Variants in GREB1L observed in about 807,000 individuals in gnomAD.
GREB1L encodes GREB1 like retinoic acid receptor coactivator.
In GREB1L, 17 loss-of-function variants were observed where a neutral mutation model predicts 200.8. The observed-to-expected ratio is 0.08, with a 90% CI of 0.06 to 0.13. GREB1L has a LOEUF of 0.13. Ranked by LOEUF, GREB1L falls within the 10% of genes least tolerant of loss-of-function variation. GREB1L has a pLI of 1.00. For missense variants in GREB1L, 1,657 were observed against 2,367.7 expected (o/e 0.70, Z 6.23); for synonymous variants, 789 against 893.0 (o/e 0.88, Z 2.08).
chr18:21,300,080 T>C (rs2038594614), intron 1 of GREB1L, among the ~76,000 whole-genome samples: 1 of 152,154 alleles, frequency 6.6e-6, no homozygotes, highest in Non-Finnish European at 1.5e-5. Context: ...CTTTATGGTA[T>C]AATAACATTT....
rs138082658 is a variant in GREB1L, at chr18:21,496,770, G to A, written c.3391+72G>A. 453 of 1,501,890 alleles carry A rather than the reference G, an allele frequency of 3.0e-4. 1 individual carries two copies. In the East Asian group the frequency reaches 0.011, roughly 36 times the overall value. 93.0% of individuals were successfully genotyped at this position (1,501,890 alleles called of 1,614,324 possible). Reference sequence around the variant, plus strand: ...GAGGTGTGTAGGAATTTGGAAGGCAGAGGCATTTACTGACACCCCAACGGC... The same window carrying A: ...GAGGTGTGTAGGAATTTGGAAGGCAAAGGCATTTACTGACACCCCAACGGC... On this transcript the variant is annotated intron_variant, in intron 21 of 32. Coordinates refer to ENST00000424526, the MANE Select transcript of GREB1L (RefSeq NM_001142966.3).
intron 7 of GREB1L, among the ~76,000 whole-genome samples, chr18:21,427,710 C>T (rs538185564): frequency 6.6e-6 from 1 of 152,224 alleles, no homozygotes; most frequent in South Asian, 2.1e-4. Context: ...GTCCTGAAGC[C>T]TTGGTGAACT....
intron 1 of GREB1L, among the ~76,000 whole-genome samples, chr18:21,350,804 T>G (rs1379372313): frequency 6.6e-6 from 1 of 152,134 alleles, no homozygotes; most frequent in Non-Finnish European, 1.5e-5. Context: ...GGGAAAAGAT[T>G]GTAGTGGGAA....
intron 1 of GREB1L, among the ~76,000 whole-genome samples, chr18:21,330,490 C>T (rs868815797): frequency 2.0e-5 from 3 of 152,308 alleles, no homozygotes; most frequent in South Asian, 2.1e-4. Flanking sequence ...GTTTCCATTT[C>T]GTGTTGATTG....
chr18:21,401,251 C>A lies in GREB1L; in HGVS notation c.634C>A (p.Gln212Lys). 1 of 1,551,510 alleles carries A rather than the reference C, an allele frequency of 6.4e-7. No individual in the cohort carries two copies. The highest frequency in any genetic ancestry group is 8.7e-7 in the Non-Finnish European group (1 of 1,146,790). The change falls in exon 6 of 33, where the codon CAG becomes AAG. Residue 212 changes from glutamine (Q) to lysine (K), a missense_variant. By Grantham distance (53) the Gln-to-Lys change is moderately conservative. This residue lies in a region of GREB1L where 70 missense variants were observed against 151.3 expected (regional missense o/e 0.46). Coordinates refer to ENST00000424526, the MANE Select transcript of GREB1L (RefSeq NM_001142966.3). ...GAAGCTCACCACTCAGCCAAAGAAG[C>A]AGAAGCACTTAAAGTACTACCTAGT... is the stretch of plus-strand genomic sequence containing the variant. ...NLKLTTQPKK[Q>K]KHLKYYLVRS... is the part of the protein sequence containing the mutation.
intron 31 of GREB1L, among the ~76,000 whole-genome samples, chr18:21,520,175 A>G (rs1456017036): frequency 1.3e-5 from 2 of 152,182 alleles, no homozygotes; most frequent in African/African-American, 4.8e-5. Context: ...TCCTGACCTC[A>G]GATGATCCAT....
intron 7 of GREB1L, among the ~76,000 whole-genome samples, chr18:21,415,187 G>C (rs1045196105): frequency 6.6e-6 from 1 of 152,160 alleles, no homozygotes; most frequent in Non-Finnish European, 1.5e-5. Context: ...CTTGGTACCT[G>C]CATGTGAAGA....
At chr18:21,493,865 CA>C (rs35758360) in intron 19 of GREB1L, among the ~76,000 whole-genome samples, 457 of 38,388 alleles carry the variant, frequency 0.012, 2 homozygotes, top group African/African-American at 0.054. Context: ...GACCCTGTCT[CA>C]AAAAAAAAAA....
intron 7 of GREB1L, among the ~76,000 whole-genome samples, chr18:21,410,649 A>G (rs1404207830): frequency 3.3e-5 from 5 of 150,998 alleles, no homozygotes; most frequent in Non-Finnish European, 7.4e-5. Flanking sequence ...AAAAAAAAAA[A>G]GACAAAGTGT....
chr18:21,498,604 T>A (rs773999563), intron 21 of GREB1L, among the ~76,000 whole-genome samples: 6 of 152,156 alleles, frequency 3.9e-5, no homozygotes, highest in Non-Finnish European at 7.3e-5. Flanking sequence ...CCCCACAAAG[T>A]GAGCGCTTCC....
rs572981309 is a variant in GREB1L, at chr18:21,441,583, G to C, written c.1207+46G>C. ...GTTGCCTGTGTCTGCTGGAATCTAG[G>C]AGTGTTTTTCCATTTCATTGTGTTT... On this transcript the variant is annotated intron_variant, in intron 10 of 32. Coordinates refer to ENST00000424526, the MANE Select transcript of GREB1L (RefSeq NM_001142966.3). The C allele has an allele frequency of 2.2e-5, 33 of 1,501,678 alleles. No individual in the cohort carries two copies. In the African/African-American group the frequency reaches 4.4e-4, roughly 20 times the overall value. 93.0% of individuals were successfully genotyped at this position (1,501,678 alleles called of 1,614,324 possible).
chr18:21,325,546 A>T (rs1476145113), intron 1 of GREB1L, among the ~76,000 whole-genome samples: 1 of 152,020 alleles, frequency 6.6e-6, no homozygotes, highest in Non-Finnish European at 1.5e-5. Flanking sequence ...CTGTTGCGGT[A>T]GCTCACATAC....
At chr18:21,474,157 C>T (rs1179731553) in intron 16 of GREB1L, among the ~76,000 whole-genome samples, 1 of 152,132 alleles carries the variant, frequency 6.6e-6, no homozygotes, top group Non-Finnish European at 1.5e-5. Flanking sequence ...ATTATGCCTT[C>T]CCAACAGTCT....
chr18:21,294,886 C>G (rs2038503065), intron 1 of GREB1L, among the ~76,000 whole-genome samples: 1 of 152,090 alleles, frequency 6.6e-6, no homozygotes, highest in Non-Finnish European at 1.5e-5. Flanking sequence ...AGAGATCAAT[C>G]TCTTCACAAT....
chr18:21,452,674 C>T (rs1288092464), intron 14 of GREB1L, among the ~76,000 whole-genome samples: 1 of 152,182 alleles, frequency 6.6e-6, no homozygotes, highest in Non-Finnish European at 1.5e-5. Context: ...AGCAGCGCTA[C>T]CAACATGTCA....
chr18:21,275,963 G>A (rs1371667285), intron 1 of GREB1L, among the ~76,000 whole-genome samples: 3 of 152,132 alleles, frequency 2.0e-5, no homozygotes, highest in Admixed American at 6.5e-5. Flanking sequence ...AAAATCCACT[G>A]TTGGTGGTCT....
At chr18:21,412,444 A>G (rs1015435639) in intron 7 of GREB1L, among the ~76,000 whole-genome samples, 2 of 152,096 alleles carry the variant, frequency 1.3e-5, no homozygotes, top group African/African-American at 4.8e-5. Context: ...ATAAAATGAA[A>G]TAGCATATGG....
At chr18:21,484,959 CTTAT>C (rs1245683376) in intron 17 of GREB1L, among the ~76,000 whole-genome samples, 1 of 152,152 alleles carries the variant, frequency 6.6e-6, no homozygotes, top group African/African-American at 2.4e-5. Context: ...ACTCAAAAAG[CTTAT>C]TTAATATCGT....
intron 7 of GREB1L, among the ~76,000 whole-genome samples, chr18:21,413,377 C>T (rs2031281779): frequency 6.6e-6 from 1 of 152,172 alleles, no homozygotes; most frequent in African/African-American, 2.4e-5. Flanking sequence ...TTTGTGTCCT[C>T]CTTTGGGCAC....
Sources: gnomAD v4.1 joint callset for allele counts (sites outside exome capture counted in the v4.1 genomes callset) on GRCh38, gnomAD v4.1.1 for gene constraint, gnomAD v4.1.1 regional missense constraint, MANE v1.5 for transcripts, NCBI Gene and HGNC (gene_info 2026-07-23, HGNC 2026-07-21) for gene names.